SMU1: variants seen among roughly 807,000 people sequenced by gnomAD.
The protein encoded by SMU1 is WD40 repeat-containing protein SMU1.
A neutral mutation model predicts 62.0 loss-of-function variants in SMU1; 2 were observed. That is an observed-to-expected ratio of 0.03 (90% CI 0.01 to 0.10). The LOEUF (loss-of-function observed/expected upper bound fraction) is 0.10. Among genes scored for constraint, SMU1 ranks in the 10% least tolerant of loss-of-function variants. SMU1 has a pLI of 1.00. For missense variants in SMU1, 227 were observed against 622.1 expected (o/e 0.36, Z 6.76); for synonymous variants, 188 against 212.4 (o/e 0.89, Z 1.00).
At chr9:33,059,577 C>T (rs1225081709) in intron 6 of SMU1, among the ~76,000 whole-genome samples, 4 of 147,978 alleles carry the variant, frequency 2.7e-5, no homozygotes, top group South Asian at 2.2e-4. Flanking sequence ...GCCACAAGGG[C>T]GAAACTCTGT....
intron 10 of SMU1, among the ~76,000 whole-genome samples, chr9:33,050,848 G>T: frequency 1.3e-5 from 1 of 78,190 alleles, no homozygotes; most frequent in South Asian, 2.9e-4. Flanking sequence ...AAGGCCGGGC[G>T]CGGTGGCTCA....
In SMU1 at chr9:33,048,148, G is replaced by A; in HGVS notation, c.1401C>T (p.Tyr467=). Reference sequence around the variant, plus strand: ...GTTTGCCAGTGACTGTACTGAAACAGTAGAGCACAAAGTCCTCCCCTACAC... The same window carrying A: ...GTTTGCCAGTGACTGTACTGAAACAATAGAGCACAAAGTCCTCCCCTACAC... ...IYCVGEDFVL[Y]CFSTVTGKLE... is the part of the protein sequence containing the mutation. Residue 467 remains tyrosine (Y), a synonymous_variant, in exon 11 of 12, where the codon TAC becomes TAT. Coordinates refer to ENST00000397149, the MANE Select transcript of SMU1 (RefSeq NM_018225.3). 1.2e-6 allele frequency: 2 copies of A among 1,614,068 alleles called. No homozygotes were observed. Among genetic ancestry groups the A allele is most frequent in the African/African-American group, 1.3e-5 (1 of 75,030 alleles).
rs746226322 is a variant in SMU1 at position 33,071,915 on chromosome 9, A to T, written c.238-23T>A. The T allele has an allele frequency of 4.0e-6, 6 of 1,497,674 alleles. No individual in the cohort carries two copies. In the South Asian group the frequency reaches 8.1e-5, roughly 20 times the overall value. The allele number at this position is 1,497,674 out of a possible 1,614,324, so 92.8% of individuals were successfully genotyped here. On this transcript the variant is annotated intron_variant, in intron 2 of 11. Transcript: ENST00000397149. ...AACCTGGACAATTAAAAAAAAACAAAAAAAACCCCAGATGTTTCAACACAC... is the reference window on the plus strand; with the variant it reads ...AACCTGGACAATTAAAAAAAAACAATAAAAACCCCAGATGTTTCAACACAC...
chr9:33,073,527 C>T (rs571490856), intron 2 of SMU1, 69 bp downstream of exon 2: 12 of 1,122,852 alleles, frequency 1.1e-5, no homozygotes, highest in East Asian at 5.0e-5. Flanking sequence ...TGCTCACTGA[C>T]GCTTTTTAGT....
intron 4 of SMU1, among the ~76,000 whole-genome samples, chr9:33,064,984 C>T (rs1215731290): frequency 1.3e-5 from 2 of 152,188 alleles, no homozygotes; most frequent in African/African-American, 2.4e-5. Flanking sequence ...CTCGGTTGAT[C>T]CACCCACCTG....
At chr9:33,053,523 T>C (rs549503271) in intron 9 of SMU1, among the ~76,000 whole-genome samples, 1 of 152,324 alleles carries the variant, frequency 6.6e-6, no homozygotes, top group African/African-American at 2.4e-5. Context: ...AATCCAAGGA[T>C]ACTCAAGTCC....
chr9:33,047,655 C>CAA (rs1839201265), intron 11 of SMU1, among the ~76,000 whole-genome samples: 1 of 151,994 alleles, frequency 6.6e-6, no homozygotes, highest in Middle Eastern at 3.2e-3. Flanking sequence ...GTCAGGAGTT[C>CAA]AAGACCAGCC....
chr9:33,056,266 A>G (rs1839302750), intron 8 of SMU1, 27 bp from the exon 9 acceptor site: 1 of 1,596,206 alleles, frequency 6.3e-7, no homozygotes, highest in Non-Finnish European at 8.5e-7. Context: ...AATGAAAAGA[A>G]CAATAAATAT....
chr9:33,069,005 A>T (rs933745499), intron 3 of SMU1, 71 bp from the exon 4 acceptor site: 1 of 1,546,310 alleles, frequency 6.5e-7, no homozygotes, highest in Non-Finnish European at 8.8e-7. Flanking sequence ...TATTTAAAAC[A>T]AACAAGCAGA....
At chr9:33,076,482 C>T in intron 1 of SMU1, 101 bp downstream of exon 1, 1 of 1,425,878 alleles carries the variant, frequency 7.0e-7, no homozygotes, top group South Asian at 1.2e-5. Context: ...TGGCCCTCCA[C>T]TCCCTGGCCT....
At chr9:33,060,416 A>T in intron 6 of SMU1, 49 bp downstream of exon 6, 2 of 1,519,470 alleles carry the variant, frequency 1.3e-6, no homozygotes, top group Non-Finnish European at 1.8e-6. Context: ...AGTAATTCAA[A>T]GCAGGTAATT....
At chr9:33,071,531 A>G (rs902431963) in intron 3 of SMU1, among the ~76,000 whole-genome samples, 6 of 152,164 alleles carry the variant, frequency 3.9e-5, no homozygotes, top group Non-Finnish European at 1.5e-5. Context: ...GGTGTATAGA[A>G]GACTCAAATA....
intron 1 of SMU1, among the ~76,000 whole-genome samples, chr9:33,076,113 G>A (rs572358999): frequency 6.6e-6 from 1 of 152,326 alleles, no homozygotes; most frequent in African/African-American, 2.4e-5. Context: ...AGTTTGGGGT[G>A]AGGTTATCAA....
Position 33,048,208 on chromosome 9 carries a change from G to A in SMU1, c.1341C>T (p.Cys447=). 1 of 1,614,142 alleles carries A rather than the reference G, an allele frequency of 6.2e-7. No individual in the cohort carries two copies. Among genetic ancestry groups the A allele is most frequent in the Non-Finnish European group, 8.5e-7 (1 of 1,180,036 alleles). The stretch of plus-strand genomic sequence containing the variant: ...ATTCACCACGGGGAGAGAGGGCACA[G>A]CAAACAAAGTCCCCACCTTCTCTTT... ...SGKREGGDFV[C]CALSPRGEWI... The change falls in exon 11 of 12, where the codon TGC becomes TGT. Residue 447 remains cysteine, a synonymous_variant. Transcript: ENST00000397149.
At chr9:33,075,073 C>G (rs1486091230) in intron 1 of SMU1, among the ~76,000 whole-genome samples, 1 of 152,158 alleles carries the variant, frequency 6.6e-6, no homozygotes, top group African/African-American at 2.4e-5. Context: ...GCACCTGGCC[C>G]CTCTTCTTAA....
intron 4 of SMU1, among the ~76,000 whole-genome samples, chr9:33,066,505 TAAA>T (rs35501819): frequency 3.0e-5 from 3 of 100,148 alleles, no homozygotes; most frequent in African/African-American, 1.1e-4. Flanking sequence ...TCCATTTAAT[TAAA>T]AAAAAAAAAA....
At chr9:33,062,267 G>C (rs1196464336) in intron 4 of SMU1, 90 bp from the exon 5 acceptor site, 6 of 1,494,052 alleles carry the variant, frequency 4.0e-6, no homozygotes, top group Non-Finnish European at 5.3e-6. Flanking sequence ...AAAGGATGAG[G>C]TTCAGAGAAA....
At chr9:33,057,094 C>A (rs1032181862) in intron 7 of SMU1, 130 bp from the exon 8 acceptor site, 1 of 865,466 alleles carries the variant, frequency 1.2e-6, no homozygotes, top group African/African-American at 1.7e-5. Context: ...ACGCTAATAG[C>A]TGAATATGAT....
intron 10 of SMU1, among the ~76,000 whole-genome samples, chr9:33,049,507 C>T (rs1322458458): frequency 1.3e-5 from 2 of 151,918 alleles, no homozygotes; most frequent in Non-Finnish European, 2.9e-5. Flanking sequence ...TAGAGGATAA[C>T]AAAAAAGAAA....
Sources: allele counts gnomAD v4.1 joint callset (sites outside exome capture counted in the v4.1 genomes callset), GRCh38; gene constraint gnomAD v4.1.1; transcripts MANE v1.5; gene names NCBI Gene and HGNC (gene_info 2026-07-23, HGNC 2026-07-21).